The following TRIML1 variants were observed in gnomAD, a reference collection of about 807,000 sequenced individuals.
TRIML1 encodes probable E3 ubiquitin-protein ligase TRIML1.
In TRIML1, 34 loss-of-function variants were observed where a neutral mutation model predicts 32.3. That is an observed-to-expected ratio of 1.05 (90% confidence interval 0.80 to 1.40). The LOEUF is 1.40. TRIML1 is among the 40% of genes most tolerant of loss of function. The probability of loss-of-function intolerance (pLI) is 0.00; values close to 1 mark genes in which losing one functional copy is unlikely to be tolerated. For missense variants in TRIML1, 595 were observed against 574.9 expected (o/e 1.03, Z -0.36); for synonymous variants, 244 against 226.6 (o/e 1.08, Z -0.69).
upstream of TRIML1, among the ~76,000 whole-genome samples, chr4:188,137,850 T>G (rs1427004836): frequency 6.6e-6 from 1 of 151,362 alleles, no homozygotes; most frequent in African/African-American, 2.4e-5. Context: ...TGACCTCAAG[T>G]GATCCACCCA....
Position 188,147,323 on chromosome 4 carries a change from G to A in TRIML1, c.1358G>A (p.Gly453Glu), listed in dbSNP as rs758413670. The change falls in exon 6 of 6, where the codon GGG (glycine) becomes GAG (glutamate). Residue 453 changes from glycine (G) to glutamate (E), a missense_variant. Coordinates refer to ENST00000332517, the MANE Select transcript of TRIML1 (RefSeq NM_178556.5). ...TTTTCCCCCTGCCTCCCAAATGAGG[G>A]GACAAACACAGACCCTCTCACCATC... ...PIFSPCLPNE[G>E]TNTDPLTICS... The A allele has an allele frequency of 5.2e-6, 8 of 1,530,402 alleles. No individual in the cohort carries two copies. The highest frequency in any genetic ancestry group is 6.1e-6 in the Non-Finnish European group (7 of 1,141,032). 94.8% of individuals were successfully genotyped at this position (1,530,402 alleles called of 1,614,324 possible). A position where few individuals can be genotyped will look rare whatever the true frequency, so the allele number is the denominator to read the frequency against.
At chr4:188,144,632 G>C (rs1413288111) in intron 5 of TRIML1, among the ~76,000 whole-genome samples, 2 of 151,936 alleles carry the variant, frequency 1.3e-5, no homozygotes, top group African/African-American at 4.8e-5. Context: ...AAAGTGCTGG[G>C]ATTACAGGCG....
chr4:188,144,466 C>T (rs1161269191), intron 5 of TRIML1, among the ~76,000 whole-genome samples: 1 of 147,390 alleles, frequency 6.8e-6, no homozygotes, highest in African/African-American at 2.5e-5. Context: ...GGGTTCACGC[C>T]ATTCTCCTGC....
At chr4:188,142,663 A>G (rs1024007663) in intron 3 of TRIML1, among the ~76,000 whole-genome samples, 181 bp downstream of exon 3, 32 of 151,778 alleles carry the variant, frequency 2.1e-4, no homozygotes, top group African/African-American at 6.5e-4. Flanking sequence ...AGAGAGAGAA[A>G]AAAAAAAACA....
At chr4:188,150,411 G>T (rs1163984922), downstream of TRIML1, among the ~76,000 whole-genome samples, 1 of 152,172 alleles carries the variant, frequency 6.6e-6, no homozygotes, top group African/African-American at 2.4e-5. Context: ...TTACAGGCGT[G>T]AGCCACCGCA....
chr4:188,142,115 CAAAA>C (rs34286328), intron 2 of TRIML1, 133 bp from the exon 3 acceptor site: 3,323 of 465,212 alleles, frequency 7.1e-3, no homozygotes, highest in Middle Eastern at 0.01. Flanking sequence ...GACTCCATCT[CAAAA>C]AAAAAAAAAA....
At position 188,146,850 on chromosome 4, in the gene TRIML1, T is replaced by C. The variant is rs1735101387; in HGVS notation, c.885T>C (p.Ala295=). 2.8e-6 allele frequency: 4 copies of C among 1,429,238 alleles called. No individual in the cohort carries two copies. The highest frequency in any genetic ancestry group is 1.4e-5 in the African/African-American group (1 of 69,604). 88.5% of individuals were successfully genotyped at this position (1,429,238 alleles called of 1,614,324 possible). The change falls in exon 6 of 6, where the codon GCT becomes GCC. Residue 295 remains alanine, a synonymous_variant. Transcript: ENST00000332517. ...AGATAACGCTGGACCCAGCCACAGC[T>C]AATGCCTATCTCGTGTTGTCGGAGG... The part of the protein sequence containing the change: ...STEITLDPAT[A]NAYLVLSEDL...
chr4:188,141,763 G>T (rs77736725), intron 2 of TRIML1, among the ~76,000 whole-genome samples: 9,228 of 152,006 alleles, frequency 0.061, 591 homozygotes, highest in African/African-American at 0.16. Context: ...TCTACACCCA[G>T]CGCATCAACA....
At chr4:188,149,761 T>G (rs764935005), downstream of TRIML1, among the ~76,000 whole-genome samples, 4 of 152,108 alleles carry the variant, frequency 2.6e-5, no homozygotes, top group Non-Finnish European at 5.9e-5. Flanking sequence ...CAGCACGTCC[T>G]CCTTAGACTA....
intron 2 of TRIML1, among the ~76,000 whole-genome samples, chr4:188,141,651 A>G (rs910256751): frequency 6.6e-6 from 1 of 151,844 alleles, no homozygotes; most frequent in Non-Finnish European, 1.5e-5. Context: ...TTTCTTACTC[A>G]TTTTTGGTTT....
chr4:188,144,363 C>CTTTT (rs375672880), intron 5 of TRIML1, among the ~76,000 whole-genome samples: 2 of 139,482 alleles, frequency 1.4e-5, no homozygotes. Context: ...TCTAAAGGGT[C>CTTTT]TTTTTTTTTT....
At chr4:188,137,242 G>A (rs1234777035), upstream of TRIML1, among the ~76,000 whole-genome samples, 4 of 150,716 alleles carry the variant, frequency 2.7e-5, no homozygotes, top group African/African-American at 9.8e-5. Context: ...ACTGAATGGA[G>A]ATGGTAGTTC....
chr4:188,149,804 GTATT>G (rs1003819487), downstream of TRIML1, among the ~76,000 whole-genome samples: 5 of 152,032 alleles, frequency 3.3e-5, no homozygotes, highest in Admixed American at 6.6e-5. Flanking sequence ...TCTTATTTAT[GTATT>G]TATTTATTTA....
chr4:188,139,585 C>T lies in TRIML1; in HGVS notation c.27C>T (p.Asn9=), dbSNP rs140844112. 15,948 of 1,600,394 alleles carry T rather than the reference C, an allele frequency of 1.0e-2. 115 individuals are homozygous for T. The highest frequency in any genetic ancestry group is 0.013 in the Middle Eastern group (80 of 5,960). Residue 9 remains asparagine (N), a synonymous_variant, in exon 1 of 6, where the codon AAC becomes AAT. Transcript: ENST00000332517. MSTADLME[N]LREELTCFIC... ...TGTCTACAGCAGATCTGATGGAGAA[C>T]CTCAGGGAGGAACTCACCTGTTTCA...
At chr4:188,144,473 C>T (rs1269946317) in intron 5 of TRIML1, among the ~76,000 whole-genome samples, 4 of 146,512 alleles carry the variant, frequency 2.7e-5, no homozygotes, top group Non-Finnish European at 4.5e-5. Context: ...CGCCATTCTC[C>T]TGCCTCAGCC....
intron 5 of TRIML1, among the ~76,000 whole-genome samples, chr4:188,144,498 G>A (rs938237651): frequency 1.4e-5 from 2 of 145,130 alleles, no homozygotes; most frequent in South Asian, 4.8e-4. Flanking sequence ...GAGTAGCTGG[G>A]ACTACAGGCG....
chr4:188,141,678 C>A (rs62354298), intron 2 of TRIML1, among the ~76,000 whole-genome samples: 2 of 151,992 alleles, frequency 1.3e-5, no homozygotes, highest in Non-Finnish European at 2.9e-5. Context: ...CTAGAACGAC[C>A]GCCTCCTGGG....
At position 188,140,671 on chromosome 4, in the gene TRIML1, G is replaced by T. The variant is rs182772435; in HGVS notation, c.504+48G>T. 5.7e-5 allele frequency: 73 copies of T among 1,291,522 alleles called. No homozygotes were observed. The African/African-American group carries it at 9.1e-4, about 16-fold the overall frequency. The allele number at this position is 1,291,522 out of a possible 1,614,324, so 80.0% of individuals were successfully genotyped here. On this transcript the variant is annotated intron_variant, in intron 2 of 5. Coordinates refer to ENST00000332517, the MANE Select transcript of TRIML1 (RefSeq NM_178556.5). ...CTGCTTGTATATGACCCCATAAGGG[G>T]GACTAAAGGGAAATTTAGTGAAATA...
chr4:188,142,073 C>T (rs143411190), intron 2 of TRIML1, among the ~76,000 whole-genome samples, 179 bp from the exon 3 acceptor site: 2,247 of 146,540 alleles, frequency 0.015, 42 homozygotes, highest in African/African-American at 0.055. Flanking sequence ...GCCGAGATTG[C>T]GCCACTGCAC....
Sources: gnomAD v4.1 joint callset for allele counts (sites outside exome capture counted in the v4.1 genomes callset) on GRCh38, gnomAD v4.1.1 for gene constraint, MANE v1.5 for transcripts, NCBI Gene and HGNC (gene_info 2026-07-23, HGNC 2026-07-21) for gene names.